The following DYM variants were observed in gnomAD, a reference collection of about 807,000 sequenced individuals.
DYM encodes the protein dymeclin.
Under a neutral mutation model 93.1 loss-of-function variants are expected in DYM, and 78 were observed. That is an observed-to-expected ratio of 0.84 (90% CI 0.70 to 1.01). DYM has a LOEUF of 1.01. DYM is among the 50% of genes least tolerant of loss of function. The pLI, the probability that DYM is intolerant of heterozygous loss-of-function variation, is 0.00. For synonymous variants in DYM, 321 were observed against 319.7 expected (o/e 1.00, Z -0.04); for missense variants, 789 against 845.0 (o/e 0.93, Z 0.82).
chr18:49,242,398 T>A (rs1182912474), intron 13 of DYM, among the ~76,000 whole-genome samples: 1 of 152,076 alleles, frequency 6.6e-6, no homozygotes, highest in East Asian at 1.9e-4. Context: ...TGTGACAGAG[T>A]AAGACTCCGT....
At chr18:49,441,356 T>G (rs866633711) in intron 1 of DYM, among the ~76,000 whole-genome samples, 2 of 83,904 alleles carry the variant, frequency 2.4e-5, no homozygotes, top group African/African-American at 9.2e-5. Flanking sequence ...TAATATATAA[T>G]TATATTATAT....
chr18:49,315,067 T>C (rs1009028592), intron 8 of DYM, among the ~76,000 whole-genome samples: 5 of 152,050 alleles, frequency 3.3e-5, no homozygotes, highest in African/African-American at 1.2e-4. Context: ...ATACAAAAAT[T>C]AGCTGGGTAT....
intron 13 of DYM, among the ~76,000 whole-genome samples, chr18:49,253,789 C>A (rs576497793): frequency 3.9e-5 from 6 of 152,304 alleles, no homozygotes; most frequent in South Asian, 2.1e-4. Flanking sequence ...ACCTTAAATT[C>A]TTTTCTTCAA....
intron 15 of DYM, among the ~76,000 whole-genome samples, chr18:49,121,680 AC>A (rs2082398107): frequency 6.6e-6 from 1 of 152,148 alleles, no homozygotes; most frequent in Non-Finnish European, 1.5e-5. Flanking sequence ...CCAAAACAAA[AC>A]AAAAAAACCC....
At chr18:49,303,458 CT>C (rs1241630835) in intron 8 of DYM, among the ~76,000 whole-genome samples, 5 of 152,324 alleles carry the variant, frequency 3.3e-5, no homozygotes, top group African/African-American at 1.2e-4. Context: ...TCCAGGAGAG[CT>C]TTCAAAAGAA....
chr18:49,108,263 T>C (rs1336234724), intron 16 of DYM, among the ~76,000 whole-genome samples: 1 of 152,202 alleles, frequency 6.6e-6, no homozygotes, highest in Non-Finnish European at 1.5e-5. Flanking sequence ...AAAAGCACAG[T>C]ATTAGGGTGG....
At chr18:49,182,677 T>C (rs1600408963) in intron 14 of DYM, among the ~76,000 whole-genome samples, 2 of 152,200 alleles carry the variant, frequency 1.3e-5, no homozygotes, top group African/African-American at 4.8e-5. Context: ...ATTCTTTTTT[T>C]CCCCTTTTTC....
At chr18:49,452,342 G>C (rs1346490986) in intron 1 of DYM, among the ~76,000 whole-genome samples, 1 of 152,150 alleles carries the variant, frequency 6.6e-6, no homozygotes, top group Admixed American at 6.5e-5. Flanking sequence ...CCCGCAGTGT[G>C]GAAGGGGACC....
At chr18:49,293,036 C>T (rs145138048) in intron 8 of DYM, among the ~76,000 whole-genome samples, 1 of 152,134 alleles carries the variant, frequency 6.6e-6, no homozygotes, top group East Asian at 1.9e-4. Context: ...TCCATGTGTT[C>T]TCATTGCTCA....
intron 14 of DYM, among the ~76,000 whole-genome samples, chr18:49,205,115 T>G (rs2092402606): frequency 6.6e-6 from 1 of 152,038 alleles, no homozygotes. Flanking sequence ...CATGTACCAC[T>G]ACACCCAGCT....
intron 13 of DYM, among the ~76,000 whole-genome samples, chr18:49,219,556 C>A (rs1008765155): frequency 5.3e-5 from 8 of 152,108 alleles, no homozygotes; most frequent in Non-Finnish European, 1.0e-4. Context: ...AGCTTATCCA[C>A]CATGATCAAG....
chr18:49,356,732 T>C (rs1422789140), intron 6 of DYM, among the ~76,000 whole-genome samples: 6 of 152,188 alleles, frequency 3.9e-5, no homozygotes, highest in Non-Finnish European at 1.5e-5. Flanking sequence ...TCACTGTTAC[T>C]ACCAAATGTT....
intron 13 of DYM, among the ~76,000 whole-genome samples, chr18:49,242,334 A>T (rs2094034325): frequency 6.6e-6 from 1 of 152,144 alleles, no homozygotes; most frequent in African/African-American, 2.4e-5. Context: ...AGATCGCTTG[A>T]AACTGGGAGG....
intron 14 of DYM, among the ~76,000 whole-genome samples, chr18:49,208,304 A>G (rs1412544521): frequency 2.0e-5 from 3 of 152,108 alleles, no homozygotes; most frequent in African/African-American, 7.2e-5. Context: ...TCTGTCTCCA[A>G]TTCCTGAGAG....
At chr18:49,263,123 CT>C (rs879595240) in intron 11 of DYM, among the ~76,000 whole-genome samples, 153 of 143,988 alleles carry the variant, frequency 1.1e-3, no homozygotes, top group Admixed American at 8.3e-4. Flanking sequence ...TGAATATCTT[CT>C]TTTTTTTTTT....
chr18:49,182,577 A>G (rs1167525354), intron 14 of DYM, among the ~76,000 whole-genome samples: 1 of 152,160 alleles, frequency 6.6e-6, no homozygotes, highest in Non-Finnish European at 1.5e-5. Flanking sequence ...ACTTTGCCTG[A>G]TAAGTCCCTC....
chr18:49,181,110 G>A (rs1422314044), intron 14 of DYM, among the ~76,000 whole-genome samples: 1 of 152,124 alleles, frequency 6.6e-6, no homozygotes, highest in Non-Finnish European at 1.5e-5. Flanking sequence ...GAAATACCAC[G>A]TCATGAAATG....
At chr18:49,354,865 T>C (rs1303847606) in intron 6 of DYM, among the ~76,000 whole-genome samples, 1 of 152,170 alleles carries the variant, frequency 6.6e-6, no homozygotes, top group Non-Finnish European at 1.5e-5. Flanking sequence ...GGAAGACAGT[T>C]AAGCAGTTTC....
intron 8 of DYM, among the ~76,000 whole-genome samples, chr18:49,316,043 A>T (rs1349053009): frequency 1.3e-5 from 2 of 152,188 alleles, no homozygotes; most frequent in Admixed American, 6.5e-5. Context: ...GTGCTTTGGG[A>T]GGCCAAGGTG....
Sources: gnomAD v4.1 joint callset for allele counts (sites outside exome capture counted in the v4.1 genomes callset) on GRCh38, gnomAD v4.1.1 for gene constraint, MANE v1.5 for transcripts, NCBI Gene and HGNC (gene_info 2026-07-23, HGNC 2026-07-21) for gene names.